The following CDH20 variants were observed in gnomAD, a reference collection of about 807,000 sequenced individuals.
CDH20 encodes the protein cadherin-20.
Under a neutral mutation model 74.2 loss-of-function variants are expected in CDH20, and 29 were observed. The observed-to-expected ratio is 0.39, with a 90% confidence interval of 0.29 to 0.53. The LOEUF (loss-of-function observed/expected upper bound fraction) is 0.53, where lower values mean the gene tolerates loss of function less well. Among genes scored for constraint, CDH20 ranks in the 20% least tolerant of loss-of-function variants. The probability of loss-of-function intolerance (pLI) is 0.69; values close to 1 mark genes in which losing one functional copy is unlikely to be tolerated. For missense variants in CDH20, 988 were observed against 1,048.3 expected (o/e 0.94, Z 0.79); for synonymous variants, 469 against 405.4 (o/e 1.16, Z -1.88).
chr18:61,469,404 C>CACACA (rs1555678862), intron 1 of CDH20, among the ~76,000 whole-genome samples: 1 of 145,912 alleles, frequency 6.9e-6, no homozygotes, highest in African/African-American at 2.6e-5. Context: ...CACACACACA[C>CACACA]CCCTATATAA....
intron 2 of CDH20, among the ~76,000 whole-genome samples, chr18:61,495,098 A>G (rs918440182): frequency 6.6e-6 from 1 of 151,858 alleles, no homozygotes; most frequent in Non-Finnish European, 1.5e-5. Context: ...TTTAGGAAGG[A>G]AAAAAAACAT....
At chr18:61,430,029 A>G (rs1913202475) in intron 1 of CDH20, among the ~76,000 whole-genome samples, 1 of 151,634 alleles carries the variant, frequency 6.6e-6, no homozygotes, top group Admixed American at 6.6e-5. Context: ...CACAGGCTCT[A>G]TGGAGTGGCT....
rs764114855 is a variant in CDH20 at position 61,499,236 on chromosome 18, G to T, written c.297G>T (p.Ser99=). The T allele has an allele frequency of 6.2e-6, 10 of 1,611,500 alleles. No homozygotes were observed. Among genetic ancestry groups the T allele is most frequent in the Non-Finnish European group, 7.6e-6 (9 of 1,178,322 alleles). ...RGDGSIKYIL[S]GEGAGIVFTI... ...ACGGATCCATCAAATACATCCTCTC[G>T]GGAGAAGGTGCTGGCATCGTGTTTA... The change falls in exon 3 of 12, where the codon TCG becomes TCT. Residue 99 remains serine (S), a synonymous_variant. Coordinates refer to ENST00000262717, the MANE Select transcript of CDH20 (RefSeq NM_031891.4).
In CDH20 at chr18:61,490,477, AT is replaced by A. The variant is rs564783201; in HGVS notation, c.-70del. 2.5e-5 allele frequency: 36 copies of A among 1,461,442 alleles called. No homozygotes were observed. In the East Asian group the frequency reaches 7.1e-4, roughly 29 times the overall value. 90.5% of individuals were successfully genotyped at this position (1,461,442 alleles called of 1,614,324 possible). A position where few individuals can be genotyped will look rare whatever the true frequency, so the allele number is the denominator to read the frequency against. On this transcript the variant is annotated 5_prime_UTR_variant, in exon 2 of 12. Transcript: ENST00000262717. ...ATAAGTGTCCAATCAAAAACTGTGT[AT>A]TTTTTTAAATTTGGAAAATACTCAA...
intron 1 of CDH20, among the ~76,000 whole-genome samples, chr18:61,429,255 T>C (rs1258424171): frequency 6.6e-6 from 1 of 152,204 alleles, no homozygotes; most frequent in Admixed American, 6.5e-5. Flanking sequence ...TTTAGACTTT[T>C]GTTTCTTAAT....
intron 1 of CDH20, among the ~76,000 whole-genome samples, chr18:61,448,812 G>A (rs1909284816): frequency 6.6e-6 from 1 of 152,152 alleles, no homozygotes; most frequent in Non-Finnish European, 1.5e-5. Flanking sequence ...CTGTTGAAAG[G>A]ATTAAACTTT....
intron 6 of CDH20, among the ~76,000 whole-genome samples, chr18:61,527,393 A>AGAT (rs1555683371): frequency 1.0e-4 from 4 of 38,790 alleles, no homozygotes; most frequent in Non-Finnish European, 2.4e-4. Context: ...ATAGATAGAT[A>AGAT]GATAGATAGA....
intron 1 of CDH20, among the ~76,000 whole-genome samples, chr18:61,428,501 T>C (rs1182944906): frequency 2.0e-5 from 3 of 152,184 alleles, no homozygotes; most frequent in Non-Finnish European, 4.4e-5. Context: ...GGGTCTCCTG[T>C]GTGTGATAAT....
At chr18:61,509,002 T>C (rs892248889) in intron 6 of CDH20, among the ~76,000 whole-genome samples, 2 of 152,176 alleles carry the variant, frequency 1.3e-5, no homozygotes, top group Admixed American at 1.3e-4. Flanking sequence ...TCTGTTTTCA[T>C]TGTTATGTAG....
chr18:61,545,272 C>CA (rs1913203131), intron 10 of CDH20, 128 bp downstream of exon 10: 1 of 633,636 alleles, frequency 1.6e-6, no homozygotes, highest in African/African-American at 2.1e-5. Context: ...GTTAATAATT[C>CA]AGTGTATTTT....
intron 1 of CDH20, among the ~76,000 whole-genome samples, chr18:61,367,909 C>T (rs1910911512): frequency 1.3e-5 from 2 of 152,022 alleles, no homozygotes; most frequent in South Asian, 4.2e-4. Flanking sequence ...TGTATCATTT[C>T]CCCTCTTGTC....
At chr18:61,410,516 G>A (rs1476275159) in intron 1 of CDH20, among the ~76,000 whole-genome samples, 1 of 152,122 alleles carries the variant, frequency 6.6e-6, no homozygotes. Context: ...TTTTGCTTGA[G>A]GAAGTAACGC....
At chr18:61,524,262 C>A (rs1266948886) in intron 6 of CDH20, among the ~76,000 whole-genome samples, 1 of 152,108 alleles carries the variant, frequency 6.6e-6, no homozygotes, top group East Asian at 1.9e-4. Flanking sequence ...ACTTAACGCA[C>A]ACTAGGATAG....
At chr18:61,417,444 A>G (rs1397471100) in intron 1 of CDH20, among the ~76,000 whole-genome samples, 1 of 152,100 alleles carries the variant, frequency 6.6e-6, no homozygotes, top group Non-Finnish European at 1.5e-5. Flanking sequence ...ACAACAGAAT[A>G]GTATTCAGTC....
intron 1 of CDH20, among the ~76,000 whole-genome samples, chr18:61,368,184 T>C (rs937512747): frequency 2.1e-4 from 32 of 152,052 alleles, no homozygotes; most frequent in Non-Finnish European, 4.4e-5. Context: ...GTCGGCTGAT[T>C]AACAACCTTG....
chr18:61,422,307 T>C (rs760531047), intron 1 of CDH20, among the ~76,000 whole-genome samples: 7 of 152,196 alleles, frequency 4.6e-5, no homozygotes, highest in Non-Finnish European at 1.0e-4. Flanking sequence ...ATCAGTTCTT[T>C]ATAAGCTGCT....
chr18:61,510,502 G>T (rs971210174), intron 6 of CDH20, among the ~76,000 whole-genome samples: 1 of 152,210 alleles, frequency 6.6e-6, no homozygotes, highest in African/African-American at 2.4e-5. Context: ...GTTAATGGGT[G>T]TTTATAACTT....
chr18:61,356,765 GA>G (rs1004410559), intron 1 of CDH20, among the ~76,000 whole-genome samples: 5 of 152,218 alleles, frequency 3.3e-5, no homozygotes, highest in African/African-American at 9.6e-5. Context: ...AAAAAGAGGG[GA>G]AAAAATAAGG....
rs932237956 is a variant in CDH20 at position 61,353,031 on chromosome 18, G to C, written c.-153+19204G>C. 6.6e-6 allele frequency among the ~76,000 whole-genome samples: 1 copy of C among 152,132 alleles called. No homozygotes were observed. The highest frequency in any genetic ancestry group is 2.4e-5 in the African/African-American group (1 of 41,428). ...CAAAGCCAACATGGTCTCCCAGTCA[G>C]CCTCTTCTCTAGCAACCTTCACATG... On this transcript the variant is annotated intron_variant, in intron 1 of 11. Coordinates refer to ENST00000262717, the MANE Select transcript of CDH20 (RefSeq NM_031891.4). This position sits in a 1 kb window ranked among gnomAD's most constrained non-coding sequence, Gnocchi z 4.6.
Sources: allele counts gnomAD v4.1 joint callset (sites outside exome capture counted in the v4.1 genomes callset), GRCh38; gene constraint gnomAD v4.1.1; non-coding constraint Gnocchi (gnomAD v3.1); transcripts MANE v1.5; gene names NCBI Gene and HGNC (gene_info 2026-07-23, HGNC 2026-07-21).